EEFSEC: variants seen among roughly 807,000 people sequenced by gnomAD.
EEFSEC encodes selenocysteine-specific elongation factor.
In EEFSEC, 43 loss-of-function variants were observed where a neutral mutation model predicts 42.1. The ratio of observed to expected loss-of-function variants is 1.02; its 90% confidence interval spans 0.80 to 1.32. The LOEUF is 1.32. Ranked by LOEUF, EEFSEC falls within the 40% of genes most tolerant of loss-of-function variation. The pLI is 0.00. For synonymous variants in EEFSEC, 354 were observed against 339.1 expected (o/e 1.04, Z -0.48); for missense variants, 745 against 803.6 (o/e 0.93, Z 0.88).
chr3:128,338,293 C>T (rs978690741), intron 4 of EEFSEC, among the ~76,000 whole-genome samples: 6 of 152,150 alleles, frequency 3.9e-5, no homozygotes, highest in African/African-American at 9.7e-5. Flanking sequence ...GGCACCCTCC[C>T]GCTGGGGCAG....
rs573414074 is a variant in EEFSEC, at chr3:128,379,822, G to A, written c.1600+21449G>A. 2.0e-5 allele frequency among the ~76,000 whole-genome samples: 3 copies of A among 152,356 alleles called. No individual in the cohort carries two copies. In the South Asian group the frequency reaches 6.2e-4, roughly 32 times the overall value. ...GGAGCCCCTCCCTCACCCCAGATGA[G>A]GTTGGGTCCCGTCAGCTGTCCCCAC... On this transcript the variant is annotated intron_variant, in intron 6 of 6. Coordinates refer to ENST00000254730, the MANE Select transcript of EEFSEC (RefSeq NM_021937.5).
At chr3:128,174,312 C>G (rs1174703047) in intron 1 of EEFSEC, among the ~76,000 whole-genome samples, 1 of 152,212 alleles carries the variant, frequency 6.6e-6, no homozygotes, top group Non-Finnish European at 1.5e-5. Flanking sequence ...GAGTTGAATC[C>G]CAGTGTACTA....
At chr3:128,256,901 A>G (rs1043805435) in intron 2 of EEFSEC, among the ~76,000 whole-genome samples, 31 of 152,060 alleles carry the variant, frequency 2.0e-4, no homozygotes, top group African/African-American at 7.2e-4. Flanking sequence ...GTGCTACCAC[A>G]TCTGGCTAAT....
At chr3:128,369,583 G>C (rs536527735) in intron 6 of EEFSEC, among the ~76,000 whole-genome samples, 4 of 152,232 alleles carry the variant, frequency 2.6e-5, no homozygotes, top group Non-Finnish European at 4.4e-5. Flanking sequence ...CCCACACTGG[G>C]ATGTGGGTAG....
intron 6 of EEFSEC, among the ~76,000 whole-genome samples, chr3:128,406,248 A>C (rs1303438846): frequency 4.6e-5 from 7 of 152,208 alleles, no homozygotes; most frequent in Non-Finnish European, 7.3e-5. Context: ...TCATGAATAC[A>C]AGCCCCACAG....
At chr3:128,335,893 G>A (rs1473134014) in intron 4 of EEFSEC, among the ~76,000 whole-genome samples, 1 of 152,220 alleles carries the variant, frequency 6.6e-6, no homozygotes, top group Non-Finnish European at 1.5e-5. Context: ...GAGAGTCCAG[G>A]TGGGTGGAAG....
chr3:128,214,422 T>A (rs2065789103), intron 1 of EEFSEC, among the ~76,000 whole-genome samples: 1 of 152,244 alleles, frequency 6.6e-6, no homozygotes, highest in Non-Finnish European at 1.5e-5. Flanking sequence ...AAGTCCTTGC[T>A]GACTTTTCAT....
At chr3:128,255,528 C>T (rs907608342) in intron 2 of EEFSEC, among the ~76,000 whole-genome samples, 1 of 152,198 alleles carries the variant, frequency 6.6e-6, no homozygotes, top group Admixed American at 6.5e-5. Flanking sequence ...CCCCTCACCC[C>T]CATTGCTCTT....
chr3:128,400,476 C>T lies in EEFSEC; in HGVS notation c.1601-7593C>T, dbSNP rs1222053330. On this transcript the variant is annotated intron_variant, in intron 6 of 6. Coordinates refer to ENST00000254730, the MANE Select transcript of EEFSEC (RefSeq NM_021937.5). ...GCCATTTAGGCTCCCAGCTGTCAGT[C>T]ATCACCAGGATGCTGACCCCAAAGA... 2.6e-5 allele frequency among the ~76,000 whole-genome samples: 4 copies of T among 152,340 alleles called. No individual in the cohort carries two copies. In the South Asian group the frequency reaches 6.2e-4, roughly 24 times the overall value.
At chr3:128,176,926 TGTG>T (rs1192661364) in intron 1 of EEFSEC, among the ~76,000 whole-genome samples, 4 of 151,946 alleles carry the variant, frequency 2.6e-5, no homozygotes, top group African/African-American at 9.7e-5. Context: ...CAGCTATAAA[TGTG>T]GTCTTCCCTG....
intron 6 of EEFSEC, among the ~76,000 whole-genome samples, chr3:128,399,652 G>A (rs1398776521): frequency 6.6e-6 from 1 of 152,080 alleles, no homozygotes; most frequent in African/African-American, 2.4e-5. Context: ...AGCCCAGCCT[G>A]ACAAAGAGGT....
At chr3:128,247,309 GAGA>G (rs1366967814) in intron 2 of EEFSEC, among the ~76,000 whole-genome samples, 19 of 152,220 alleles carry the variant, frequency 1.2e-4, no homozygotes, top group African/African-American at 4.6e-4. Context: ...TCACAGGAAG[GAGA>G]AGGAGCACAG....
At chr3:128,214,449 T>C (rs2065789378) in intron 1 of EEFSEC, among the ~76,000 whole-genome samples, 2 of 152,258 alleles carry the variant, frequency 1.3e-5, no homozygotes, top group Admixed American at 1.3e-4. Flanking sequence ...AACATATCTT[T>C]AATTTTGTAT....
chr3:128,177,560 A>G (rs1161356104), intron 1 of EEFSEC, among the ~76,000 whole-genome samples: 1 of 152,136 alleles, frequency 6.6e-6, no homozygotes, highest in African/African-American at 2.4e-5. Context: ...TCGTTTCCCC[A>G]GATTTGTAGG....
At chr3:128,239,204 C>A (rs1324850960) in intron 1 of EEFSEC, among the ~76,000 whole-genome samples, 7 of 152,334 alleles carry the variant, frequency 4.6e-5, no homozygotes, top group Non-Finnish European at 4.4e-5. Flanking sequence ...TTGGGGGAGG[C>A]ACTGTTTGTA....
At chr3:128,201,134 G>T (rs1368419359) in intron 1 of EEFSEC, among the ~76,000 whole-genome samples, 1 of 152,038 alleles carries the variant, frequency 6.6e-6, no homozygotes, top group East Asian at 1.9e-4. Context: ...GAAATAATGA[G>T]TTTAAAATAC....
At chr3:128,338,546 G>A (rs2067215952) in intron 4 of EEFSEC, among the ~76,000 whole-genome samples, 1 of 152,174 alleles carries the variant, frequency 6.6e-6, no homozygotes, top group Non-Finnish European at 1.5e-5. Flanking sequence ...CAGGGGTTAG[G>A]GACGAATGGG....
At chr3:128,358,986 TG>T (rs2067492516) in intron 6 of EEFSEC, among the ~76,000 whole-genome samples, 1 of 152,208 alleles carries the variant, frequency 6.6e-6, no homozygotes, top group Non-Finnish European at 1.5e-5. Flanking sequence ...TTGCAAGCAT[TG>T]TGCTTGGTGC....
chr3:128,265,813 A>C (rs1048256235), intron 4 of EEFSEC, among the ~76,000 whole-genome samples: 1 of 152,236 alleles, frequency 6.6e-6, no homozygotes, highest in Non-Finnish European at 1.5e-5. Flanking sequence ...GGAGATACAG[A>C]TATCTAGGTA....
Sources: allele counts gnomAD v4.1 joint callset (sites outside exome capture counted in the v4.1 genomes callset), GRCh38; gene constraint gnomAD v4.1.1; transcripts MANE v1.5; gene names NCBI Gene and HGNC (gene_info 2026-07-23, HGNC 2026-07-21).